Variants in LAMB4 observed in about 807,000 individuals in gnomAD.
LAMB4 encodes the protein laminin subunit beta 4.
LAMB4 carries 196 observed loss-of-function variants against 199.2 expected under a neutral mutation model. The ratio of observed to expected loss-of-function variants is 0.98; its 90% CI spans 0.88 to 1.11. The LOEUF is 1.11. Ranked by LOEUF, LAMB4 falls within the 50% of genes least tolerant of loss-of-function variation. The pLI, the probability that LAMB4 is intolerant of heterozygous loss-of-function variation, is 0.00. For missense variants in LAMB4, 2,080 were observed against 2,171.2 expected, an observed-to-expected ratio of 0.96 and a Z score of 0.83; for synonymous variants, 744 against 770.6, an observed-to-expected ratio of 0.97 and a Z score of 0.57.
rs748324823 is a variant in LAMB4, at chr7:108,091,707, G to A, written c.1620C>T (p.Ala540=). ...HVTGRSCSEP[A]PGYFFAPLNF... ...TCAAAGGAGCAAAGAAGTAGCCAGG[G>A]GCTGGTTCAGAGCAGCTACGGCCAG... Residue 540 remains alanine (A), a synonymous_variant, in exon 14 of 34, where the codon GCC becomes GCT. Coordinates refer to ENST00000388781, the MANE Select transcript of LAMB4 (RefSeq NM_007356.3). 6.2e-7 allele frequency: 1 copy of A among 1,614,178 alleles called. No homozygotes were observed. Among genetic ancestry groups the A allele is most frequent in the Non-Finnish European group, 8.5e-7 (1 of 1,180,028 alleles).
At chr7:108,096,939 CAAAAAAAAAAAAAAAAAAAAA>C (rs746917278) in intron 11 of LAMB4, among the ~76,000 whole-genome samples, 2 of 52,822 alleles carry the variant, frequency 3.8e-5, no homozygotes, top group African/African-American at 1.6e-4. Context: ...CTGTCTCTCT[CAAAAAAAAAAAAAAAAAAAAA>C]AAAAAAAAAA....
At chr7:108,020,622 G>A (rs750342984), downstream of LAMB4, among the ~76,000 whole-genome samples, 19 of 151,724 alleles carry the variant, frequency 1.3e-4, no homozygotes, top group Non-Finnish European at 2.6e-4. Context: ...TAGATGGGAG[G>A]CAGAGCTGTG....
At position 108,025,440 on chromosome 7, in the gene LAMB4, T is replaced by TCTTTCTTTCTTTC. The variant is rs1563024882; in HGVS notation, c.5147-1263_5147-1262insGAAAGAAAGAAAG. On this transcript the variant is annotated intron_variant, in intron 33 of 33. Transcript: ENST00000388781. ...TTCTTCTTTCTTTCTTTCTTTTTTT[T>TCTTTCTTTCTTTC]TTTTTGAGACAGAGTTTTGCTCTTG... is the stretch of plus-strand genomic sequence containing the variant. Among the ~76,000 whole-genome samples, 12 of 122,008 alleles carry TCTTTCTTTCTTTC rather than the reference T, an allele frequency of 9.8e-5. 1 individual carries two copies. The highest frequency in any genetic ancestry group is 6.1e-4 in the African/African-American group (12 of 19,672). The allele number at this position is 122,008 out of a possible 152,430, so 80.0% of individuals were successfully genotyped here. A position where few individuals can be genotyped will look rare whatever the true frequency, so the allele number is the denominator to read the frequency against.
chr7:108,082,146 C>A (rs775228059), intron 14 of LAMB4, among the ~76,000 whole-genome samples: 6 of 151,926 alleles, frequency 3.9e-5, no homozygotes, highest in Non-Finnish European at 8.8e-5. Context: ...TTGGCTAACA[C>A]GGTGAAACCC....
chr7:108,129,086 C>G (rs1460097167), intron 1 of LAMB4, among the ~76,000 whole-genome samples: 2 of 152,140 alleles, frequency 1.3e-5, no homozygotes, highest in Non-Finnish European at 2.9e-5. Context: ...ACTGACCATT[C>G]ACTTATATTT....
chr7:108,078,191 T>G lies in LAMB4; in HGVS notation c.2003+10A>C, dbSNP rs769648419. ...AGCTTTCAATGTTTGAGGACCGGTC[T>G]GAAACATACCTCGTAGCCGCTGGTA... On this transcript the variant is annotated intron_variant, in intron 16 of 33. Coordinates refer to ENST00000388781, the MANE Select transcript of LAMB4 (RefSeq NM_007356.3). The G allele has an allele frequency of 3.2e-6, 5 of 1,563,412 alleles. No homozygotes were observed. Among genetic ancestry groups the G allele is most frequent in the Non-Finnish European group, 4.4e-6 (5 of 1,141,060 alleles).
chr7:108,075,310 T>G (rs1373248032), intron 17 of LAMB4, among the ~76,000 whole-genome samples: 5 of 152,196 alleles, frequency 3.3e-5, no homozygotes, highest in African/African-American at 7.2e-5. Flanking sequence ...ACCTGAACTG[T>G]TACAGAGCTC....
chr7:108,091,104 T>A (rs2037383820), intron 14 of LAMB4, among the ~76,000 whole-genome samples: 1 of 151,936 alleles, frequency 6.6e-6, no homozygotes, highest in African/African-American at 2.4e-5. Context: ...TTACCTTTTT[T>A]TTTTGTCATA....
chr7:108,031,331 CAAAA>C (rs60572529), intron 31 of LAMB4, among the ~76,000 whole-genome samples: 1 of 14,964 alleles, frequency 6.7e-5, no homozygotes, highest in African/African-American at 3.1e-4. Context: ...TCAACAATAA[CAAAA>C]AAAAAAAAAA....
chr7:108,104,412 G>T, intron 9 of LAMB4, 87 bp downstream of exon 9: 1 of 1,513,256 alleles, frequency 6.6e-7, no homozygotes, highest in Non-Finnish European at 9.0e-7. Context: ...TTTGGTGCCT[G>T]CAGCCCCACA....
chr7:108,047,833 G>A, intron 28 of LAMB4, 75 bp downstream of exon 28: 2 of 1,173,724 alleles, frequency 1.7e-6, no homozygotes, highest in South Asian at 2.6e-5. Flanking sequence ...AAGTTATATG[G>A]CAGTTTTATA....
intron 3 of LAMB4, among the ~76,000 whole-genome samples, chr7:108,113,839 A>T (rs1041353343): frequency 1.2e-4 from 19 of 152,192 alleles, no homozygotes; most frequent in African/African-American, 4.6e-4. Flanking sequence ...TTTCTTAGAT[A>T]ACAGATGGGA....
chr7:108,063,954 G>A lies in LAMB4; in HGVS notation c.2868C>T (p.Phe956=), dbSNP rs767544532. 1.9e-6 allele frequency: 3 copies of A among 1,614,130 alleles called. No homozygotes were observed. The highest frequency in any genetic ancestry group is 2.7e-5 in the African/African-American group (2 of 75,042). The stretch of plus-strand genomic sequence containing the variant: ...CTCCTGAAATTCTTGGATTTCCATA[G>A]AAACCAGTAGAGCATTCTCCACACT... ...GTQCGECSTG[F]YGNPRISGAP... The change falls in exon 22 of 34, where the codon TTC becomes TTT. Residue 956 remains phenylalanine, a synonymous_variant. Transcript: ENST00000388781.
At position 108,052,191 on chromosome 7, in the gene LAMB4, T is replaced by G. The variant is rs1162123199; in HGVS notation, c.3822A>C (p.Thr1274=). The G allele has an allele frequency of 6.2e-7, 1 of 1,612,200 alleles. No individual in the cohort carries two copies. Among genetic ancestry groups the G allele is most frequent in the Non-Finnish European group, 8.5e-7 (1 of 1,179,122 alleles). Reference sequence around the variant, plus strand: ...CTGCTTCATTCTTTGCTCTTTCTATTGTATCTTTCAGATCTTGAAATTCAT... The same window carrying G: ...CTGCTTCATTCTTTGCTCTTTCTATGGTATCTTTCAGATCTTGAAATTCAT... ...AVYEFQDLKD[T]IERAKNEADL... Residue 1274 remains threonine, a synonymous_variant, in exon 26 of 34, where the codon ACA becomes ACC. Coordinates refer to ENST00000388781, the MANE Select transcript of LAMB4 (RefSeq NM_007356.3).
chr7:108,104,255 G>T (rs542941162), intron 9 of LAMB4, among the ~76,000 whole-genome samples: 1 of 151,886 alleles, frequency 6.6e-6, no homozygotes, highest in Non-Finnish European at 1.5e-5. Context: ...TACTAGAAGG[G>T]TGCCACACAA....
At chr7:108,129,155 T>G (rs1156881103) in intron 1 of LAMB4, among the ~76,000 whole-genome samples, 2 of 152,206 alleles carry the variant, frequency 1.3e-5, no homozygotes, top group Non-Finnish European at 2.9e-5. Context: ...TCAAAACAAT[T>G]TGGATGAAAC....
rs528984661 is a variant in LAMB4 at position 108,052,216 on chromosome 7, T to C, written c.3797A>G (p.Tyr1266Cys). The C allele has an allele frequency of 1.2e-4, 196 of 1,610,830 alleles. 4 individuals carry two copies. In the South Asian group the frequency reaches 2.1e-3, roughly 17 times the overall value. The change falls in exon 26 of 34, where the codon TAT (tyrosine) becomes TGT (cysteine). Residue 1266 changes from tyrosine (Y) to cysteine (C), a missense_variant. Tyr to Cys is a radical substitution (Grantham distance 194). Transcript: ENST00000388781. ...MQLNEQLKAVYEFQDLKDTIE... is the reference protein window; with the variant it reads ...MQLNEQLKAVCEFQDLKDTIE... ...TGTATCTTTCAGATCTTGAAATTCA[T>C]ACACTGCTTTCAGTTGTTCATTTAG...
chr7:108,066,579 C>A lies in LAMB4; in HGVS notation c.2468G>T (p.Gly823Val). 6.2e-7 allele frequency: 1 copy of A among 1,610,548 alleles called. No homozygotes were observed. The highest frequency in any genetic ancestry group is 8.5e-7 in the Non-Finnish European group (1 of 1,178,204). ...GCHPCHCHPQGSKDTVCDQVT... is the reference protein window; with the variant it reads ...GCHPCHCHPQVSKDTVCDQVT... Reference sequence around the variant, plus strand: ...TTGGTCACATACAGTGTCCTTTGATCCTTGAGGATGGCAGTGACATGCTGG... The same window carrying A: ...TTGGTCACATACAGTGTCCTTTGATACTTGAGGATGGCAGTGACATGCTGG... The change falls in exon 20 of 34, where the codon GGA (glycine) becomes GTA (valine). Residue 823 changes from glycine to valine, a missense_variant. By Grantham distance (109) the Gly-to-Val change is moderately radical. Coordinates refer to ENST00000388781, the MANE Select transcript of LAMB4 (RefSeq NM_007356.3).
intron 15 of LAMB4, among the ~76,000 whole-genome samples, chr7:108,078,687 G>A (rs576156908): frequency 6.6e-6 from 1 of 152,252 alleles, no homozygotes; most frequent in East Asian, 1.9e-4. Context: ...CTATATACTG[G>A]GGAGATATGC....
Sources: gnomAD v4.1 joint callset for allele counts (sites outside exome capture counted in the v4.1 genomes callset) on GRCh38, gnomAD v4.1.1 for gene constraint, MANE v1.5 for transcripts, NCBI Gene and HGNC (gene_info 2026-07-23, HGNC 2026-07-21) for gene names.